The following INPP4B variants were observed in gnomAD, a reference collection of about 807,000 sequenced individuals.
INPP4B encodes the protein inositol polyphosphate 4-phosphatase type II.
In INPP4B, 55 loss-of-function variants were observed where a neutral mutation model predicts 122.5. The ratio of observed to expected loss-of-function variants is 0.45; its 90% CI spans 0.36 to 0.56. INPP4B has a LOEUF of 0.56. Ranked by LOEUF, INPP4B falls within the 20% of genes least tolerant of loss-of-function variation. The pLI, the probability that INPP4B is intolerant of heterozygous loss-of-function variation, is 0.00. For synonymous variants in INPP4B, 403 were observed against 388.7 expected, an observed-to-expected ratio of 1.04 and a Z score of -0.43; for missense variants, 1,000 against 1,097.7, an observed-to-expected ratio of 0.91 and a Z score of 1.26.
intron 10 of INPP4B, among the ~76,000 whole-genome samples, chr4:142,261,703 A>G (rs1740115307): frequency 6.6e-6 from 1 of 152,104 alleles, no homozygotes; most frequent in Non-Finnish European, 1.5e-5. Flanking sequence ...AGAATCATGT[A>G]CACTGAGGTC....
chr4:142,377,996 T>TC (rs1792649421), intron 7 of INPP4B, among the ~76,000 whole-genome samples: 1 of 152,124 alleles, frequency 6.6e-6, no homozygotes, highest in Non-Finnish European at 1.5e-5. Flanking sequence ...ACAGTGTCAC[T>TC]AGGAAAGAAT....
intron 2 of INPP4B, among the ~76,000 whole-genome samples, chr4:142,549,322 G>A (rs145327731): frequency 6.6e-6 from 1 of 152,166 alleles, no homozygotes; most frequent in Non-Finnish European, 1.5e-5. Context: ...GGTAGTTCTG[G>A]AATGTGGGAG....
At chr4:142,400,845 T>C (rs1209444634) in intron 7 of INPP4B, among the ~76,000 whole-genome samples, 4 of 152,180 alleles carry the variant, frequency 2.6e-5, no homozygotes, top group African/African-American at 9.6e-5. Flanking sequence ...ATGAGTACAT[T>C]AGTTGTCTAT....
chr4:142,039,397 T>C (rs1745919926), intron 25 of INPP4B, among the ~76,000 whole-genome samples: 1 of 152,166 alleles, frequency 6.6e-6, no homozygotes, highest in African/African-American at 2.4e-5. Context: ...TTTGTTCCAG[T>C]TCAATGTTTT....
chr4:142,659,390 A>C (rs537865135), intron 2 of INPP4B, among the ~76,000 whole-genome samples: 2 of 151,894 alleles, frequency 1.3e-5, no homozygotes, highest in Non-Finnish European at 2.9e-5. Flanking sequence ...TGGGCGACAG[A>C]GTGAGACTCT....
intron 11 of INPP4B, among the ~76,000 whole-genome samples, chr4:142,253,422 C>T (rs1733553936): frequency 6.6e-6 from 1 of 152,218 alleles, no homozygotes; most frequent in African/African-American, 2.4e-5. Flanking sequence ...CAGGTGATTT[C>T]CGCATTTCCA....
At chr4:142,577,838 A>C (rs1427869086) in intron 2 of INPP4B, among the ~76,000 whole-genome samples, 1 of 151,952 alleles carries the variant, frequency 6.6e-6, no homozygotes, top group Non-Finnish European at 1.5e-5. Context: ...GCTAGAGGTC[A>C]TCTGCAGTTC....
intron 7 of INPP4B, among the ~76,000 whole-genome samples, chr4:142,334,226 T>C (rs1377555439): frequency 1.3e-5 from 2 of 152,214 alleles, no homozygotes; most frequent in African/African-American, 4.8e-5. Context: ...ACCATATATA[T>C]GTATACACGC....
At chr4:142,404,110 G>T (rs879442789) in intron 6 of INPP4B, among the ~76,000 whole-genome samples, 3 of 152,062 alleles carry the variant, frequency 2.0e-5, no homozygotes, top group African/African-American at 4.8e-5. Flanking sequence ...GTTTTCATAT[G>T]AATAAGATTA....
intron 7 of INPP4B, among the ~76,000 whole-genome samples, chr4:142,351,083 C>A (rs1442489578): frequency 6.6e-6 from 1 of 152,006 alleles, no homozygotes; most frequent in Non-Finnish European, 1.5e-5. Context: ...GCAGCTGAAA[C>A]CAGTTTGCAA....
intron 9 of INPP4B, among the ~76,000 whole-genome samples, chr4:142,280,064 A>T (rs1448664527): frequency 6.6e-6 from 1 of 151,306 alleles, no homozygotes; most frequent in Non-Finnish European, 1.5e-5. Context: ...CCACTTTAAC[A>T]CCCTTACAAT....
intron 1 of INPP4B, among the ~76,000 whole-genome samples, chr4:142,822,581 T>A (rs994115078): frequency 6.6e-6 from 1 of 152,134 alleles, no homozygotes; most frequent in African/African-American, 2.4e-5. Flanking sequence ...TGCCTGAAGG[T>A]CTGAGGTGGA....
intron 23 of INPP4B, among the ~76,000 whole-genome samples, chr4:142,095,392 T>C (rs1391895300): frequency 2.0e-5 from 3 of 152,198 alleles, no homozygotes; most frequent in Non-Finnish European, 4.4e-5. Context: ...ATTTGTTAAT[T>C]GTCTTTAATT....
chr4:142,519,315 CAT>C (rs1228764989), intron 2 of INPP4B, among the ~76,000 whole-genome samples: 1 of 152,116 alleles, frequency 6.6e-6, no homozygotes, highest in Non-Finnish European at 1.5e-5. Flanking sequence ...TTAAATATCA[CAT>C]GTTTAATCTT....
chr4:142,194,980 G>A (rs932395650), intron 14 of INPP4B, among the ~76,000 whole-genome samples: 20 of 152,198 alleles, frequency 1.3e-4, no homozygotes, highest in Admixed American at 1.2e-3. Context: ...TGAATGGAAT[G>A]AGTTCCCATG....
chr4:142,029,529 A>G (rs1333479842), intron 25 of INPP4B: 19 of 985,680 alleles, frequency 1.9e-5, no homozygotes, highest in Non-Finnish European at 2.2e-5. Context: ...CTTGTTAAAA[A>G]GAATAGAAAA....
chr4:142,155,425 T>G (rs1816669189), intron 17 of INPP4B, among the ~76,000 whole-genome samples: 1 of 152,138 alleles, frequency 6.6e-6, no homozygotes, highest in African/African-American at 2.4e-5. Context: ...ATAGATTTCC[T>G]ATGGAGATAC....
chr4:142,342,176 C>T (rs1053458840), intron 7 of INPP4B, among the ~76,000 whole-genome samples: 5 of 152,146 alleles, frequency 3.3e-5, no homozygotes, highest in Admixed American at 6.5e-5. Flanking sequence ...TACATACATA[C>T]AGCCCAGGAC....
intron 2 of INPP4B, among the ~76,000 whole-genome samples, chr4:142,604,717 A>G (rs1740839740): frequency 6.6e-6 from 1 of 152,110 alleles, no homozygotes; most frequent in South Asian, 2.1e-4. Context: ...AAGAAATTGA[A>G]GCGAACGTAA....
Sources: gnomAD v4.1 joint callset for allele counts (sites outside exome capture counted in the v4.1 genomes callset) on GRCh38, gnomAD v4.1.1 for gene constraint, MANE v1.5 for transcripts, NCBI Gene and HGNC (gene_info 2026-07-23, HGNC 2026-07-21) for gene names.